Variants in HMGCLL1 observed in about 807,000 individuals in gnomAD.
HMGCLL1 encodes the protein 3-hydroxy-3-methylglutaryl-CoA lyase like 1.
HMGCLL1 carries 36 observed loss-of-function variants against 39.1 expected under a neutral mutation model. The ratio of observed to expected loss-of-function variants is 0.92; its 90% CI spans 0.71 to 1.22. The LOEUF is 1.22. Ranked by LOEUF, HMGCLL1 falls within the 50% of genes most tolerant of loss-of-function variation. The pLI, the probability that HMGCLL1 is intolerant of heterozygous loss-of-function variation, is 0.00. For missense variants in HMGCLL1, 451 were observed against 416.5 expected, an observed-to-expected ratio of 1.08 and a Z score of -0.72; for synonymous variants, 149 against 144.0, an observed-to-expected ratio of 1.03 and a Z score of -0.25.
At chr6:55,524,356 T>C (rs189804324) in intron 3 of HMGCLL1, among the ~76,000 whole-genome samples, 173 of 151,734 alleles carry the variant, frequency 1.1e-3, no homozygotes, top group African/African-American at 3.9e-3. Flanking sequence ...GAGATATTTG[T>C]AATATGTGTT....
At chr6:55,466,992 G>C (rs73746308) in intron 7 of HMGCLL1, among the ~76,000 whole-genome samples, 31,121 of 151,846 alleles carry the variant, frequency 0.2, 4,012 homozygotes, top group African/African-American at 0.38. Flanking sequence ...TATAATTTTA[G>C]CTTTGTTTAA....
At chr6:55,460,636 GA>G (rs887334146) in intron 7 of HMGCLL1, among the ~76,000 whole-genome samples, 18 of 151,306 alleles carry the variant, frequency 1.2e-4, no homozygotes, top group African/African-American at 2.4e-4. Flanking sequence ...CTATTACTAG[GA>G]AAAAAAATAC....
chr6:55,661,183 G>A, the HMGCLL1 span, among the ~76,000 whole-genome samples: 3 of 151,822 alleles, frequency 2.0e-5, no homozygotes, highest in Non-Finnish European at 2.9e-5. Flanking sequence ...CACTCTGTTG[G>A]TAGTTTCTTT....
intron 7 of HMGCLL1, among the ~76,000 whole-genome samples, chr6:55,484,877 GA>G (rs1475117816): frequency 2.0e-5 from 3 of 151,598 alleles, no homozygotes; most frequent in African/African-American, 7.3e-5. Flanking sequence ...GATCCCTTTT[GA>G]AATGCAAGCC....
intron 7 of HMGCLL1, among the ~76,000 whole-genome samples, chr6:55,452,728 T>G: frequency 6.6e-6 from 1 of 152,164 alleles, no homozygotes; most frequent in East Asian, 1.9e-4. Flanking sequence ...CTCCAAGAAG[T>G]TTCCTGAGAC....
Position 55,525,690 on chromosome 6 carries a change from A to C in HMGCLL1, c.298-9087T>G, listed in dbSNP as rs79992214. 3.6e-3 allele frequency among the ~76,000 whole-genome samples: 545 copies of C among 151,996 alleles called. 7 individuals carry two copies. Among genetic ancestry groups the C allele is most frequent in the African/African-American group, 0.013 (528 of 41,522 alleles). ...TCAGAATGATCTGGGACGACTTTTA[A>C]AATGCTTATTTCTATATTCTGTATT... On this transcript the variant is annotated intron_variant, in intron 3 of 8. Coordinates refer to ENST00000274901, the MANE Select transcript of HMGCLL1 (RefSeq NM_001042406.2).
At position 55,542,107 on chromosome 6, in the gene HMGCLL1, CA is replaced by C. The variant is rs1769473467; in HGVS notation, c.141del (p.Phe47LeufsTer4). ...CTAGGCCCAACTTCTACTATTTTAA[CA>C]AACTCAGGGAGTCCAGATAACTGGG... is the stretch of plus-strand genomic sequence containing the variant. ...ETSQLSGLPE[F>X]VKIVEVGPRD... On this transcript the variant is annotated frameshift_variant, in exon 2 of 9. Transcript: ENST00000274901. LOFTEE classifies it high-confidence loss of function. 6.2e-7 allele frequency: 1 copy of C among 1,611,194 alleles called. No homozygotes were observed. Among genetic ancestry groups the C allele is most frequent in the Middle Eastern group, 1.7e-4 (1 of 6,050 alleles).
intron 7 of HMGCLL1, among the ~76,000 whole-genome samples, chr6:55,472,184 G>C (rs140632155): frequency 1.5e-3 from 225 of 151,616 alleles, no homozygotes; most frequent in African/African-American, 5.1e-3. Context: ...GGAATTGTTG[G>C]GTTCTAATGT....
At chr6:55,473,151 G>C in intron 7 of HMGCLL1, among the ~76,000 whole-genome samples, 1 of 150,986 alleles carries the variant, frequency 6.6e-6, no homozygotes, top group East Asian at 1.9e-4. Flanking sequence ...TATTTATAAT[G>C]GATTTTTTGT....
intron 7 of HMGCLL1, among the ~76,000 whole-genome samples, chr6:55,477,143 A>T (rs539513434): frequency 2.8e-5 from 2 of 70,482 alleles, no homozygotes; most frequent in African/African-American, 1.1e-4. Context: ...TAATAGATAT[A>T]ATATATATAT....
intron 3 of HMGCLL1, among the ~76,000 whole-genome samples, chr6:55,528,538 A>G (rs1768452136): frequency 6.6e-6 from 1 of 152,174 alleles, no homozygotes; most frequent in Middle Eastern, 3.4e-3. Context: ...TAGCCTCAGT[A>G]GCACAGAGGA....
chr6:55,507,633 TCA>T (rs1341958352), intron 5 of HMGCLL1, among the ~76,000 whole-genome samples: 1 of 151,848 alleles, frequency 6.6e-6, no homozygotes, highest in East Asian at 1.9e-4. Flanking sequence ...GAGACTTTTC[TCA>T]GAGTTCTGTA....
At chr6:55,489,296 T>C (rs1159542677) in intron 7 of HMGCLL1, among the ~76,000 whole-genome samples, 3 of 152,038 alleles carry the variant, frequency 2.0e-5, no homozygotes, top group Non-Finnish European at 4.4e-5. Flanking sequence ...GCAACAAGTA[T>C]TTGGTTAAAA....
intron 7 of HMGCLL1, among the ~76,000 whole-genome samples, chr6:55,483,023 A>G (rs567054385): frequency 6.6e-5 from 10 of 152,312 alleles, no homozygotes; most frequent in African/African-American, 2.4e-4. Flanking sequence ...CCCAATCAGA[A>G]GAAATCTATG....
chr6:55,658,865 G>A, the HMGCLL1 span, among the ~76,000 whole-genome samples: 1 of 151,616 alleles, frequency 6.6e-6, no homozygotes, highest in Admixed American at 6.6e-5. Flanking sequence ...AAAGAAGCAA[G>A]CATATTCTAG....
the HMGCLL1 span, among the ~76,000 whole-genome samples, chr6:55,656,599 G>C: frequency 6.6e-6 from 1 of 151,942 alleles, no homozygotes; most frequent in Non-Finnish European, 1.5e-5. Context: ...AGTCTCTGTA[G>C]GGTAGTGGAG....
At chr6:55,618,789 T>C in the HMGCLL1 span, among the ~76,000 whole-genome samples, 1 of 152,104 alleles carries the variant, frequency 6.6e-6, no homozygotes, top group South Asian at 2.1e-4. Context: ...ATTTAAAAGC[T>C]AAAAATCATT....
At chr6:55,664,476 T>C in the HMGCLL1 span, among the ~76,000 whole-genome samples, 1 of 151,686 alleles carries the variant, frequency 6.6e-6, no homozygotes, top group Non-Finnish European at 1.5e-5. Flanking sequence ...TTCATATATA[T>C]ACAGAGATTA....
chr6:55,585,664 C>A, the HMGCLL1 span, among the ~76,000 whole-genome samples: 1 of 152,102 alleles, frequency 6.6e-6, no homozygotes, highest in Non-Finnish European at 1.5e-5. Flanking sequence ...AATAACTCAG[C>A]TTTCTTTTGC....
Sources: gnomAD v4.1 joint callset for allele counts (sites outside exome capture counted in the v4.1 genomes callset) on GRCh38, gnomAD v4.1.1 for gene constraint, MANE v1.5 for transcripts, NCBI Gene and HGNC (gene_info 2026-07-23, HGNC 2026-07-21) for gene names.